Variants in ADAMTS17 observed in about 807,000 individuals in gnomAD.
ADAMTS17 encodes A disintegrin and metalloproteinase with thrombospondin motifs 17.
A neutral mutation model predicts 141.5 loss-of-function variants in ADAMTS17; 113 were observed. The ratio of observed to expected loss-of-function variants is 0.80; its 90% confidence interval spans 0.69 to 0.93. The LOEUF is 0.93. Among genes scored for constraint, ADAMTS17 ranks in the 40% least tolerant of loss-of-function variants. ADAMTS17 has a pLI of 0.00. For synonymous variants in ADAMTS17, 768 were observed against 630.6 expected (o/e 1.22, Z -3.27); for missense variants, 1,659 against 1,517.9 (o/e 1.09, Z -1.54).
chr15:100,114,663 G>A (rs2036999126), intron 13 of ADAMTS17, among the ~76,000 whole-genome samples: 4 of 152,172 alleles, frequency 2.6e-5, no homozygotes, highest in Admixed American at 2.6e-4. Flanking sequence ...CAGATCAAAG[G>A]CGGTGGCACT....
intron 8 of ADAMTS17, among the ~76,000 whole-genome samples, chr15:100,186,253 G>C (rs181433897): frequency 9.2e-5 from 14 of 152,296 alleles, no homozygotes; most frequent in African/African-American, 3.4e-4. Context: ...ATGCCATCTG[G>C]AAAGCTGTAA....
At chr15:100,236,640 C>G (rs1250780734) in intron 7 of ADAMTS17, among the ~76,000 whole-genome samples, 1 of 152,132 alleles carries the variant, frequency 6.6e-6, no homozygotes, top group Non-Finnish European at 1.5e-5. Context: ...GAGGTTGAGA[C>G]CAGCCTGGGA....
intron 15 of ADAMTS17, among the ~76,000 whole-genome samples, chr15:100,095,200 G>A (rs1417156126): frequency 6.6e-6 from 1 of 152,188 alleles, no homozygotes; most frequent in Non-Finnish European, 1.5e-5. Context: ...GGCAGGCACA[G>A]CTTCTCACAC....
At chr15:100,104,076 T>A (rs1366185168) in intron 14 of ADAMTS17, among the ~76,000 whole-genome samples, 1 of 152,200 alleles carries the variant, frequency 6.6e-6, no homozygotes, top group African/African-American at 2.4e-5. Flanking sequence ...GCTACAGGTG[T>A]GCACAAACCA....
At chr15:100,250,080 T>C (rs934358239) in intron 7 of ADAMTS17, among the ~76,000 whole-genome samples, 2 of 152,152 alleles carry the variant, frequency 1.3e-5, no homozygotes. Context: ...TACCACAGTA[T>C]AAAAAAGCAC....
chr15:100,180,607 G>T (rs1296405203), intron 8 of ADAMTS17, among the ~76,000 whole-genome samples: 1 of 152,104 alleles, frequency 6.6e-6, no homozygotes, highest in Non-Finnish European at 1.5e-5. Context: ...ATTGCTTTGG[G>T]TAGTATGGAT....
intron 15 of ADAMTS17, among the ~76,000 whole-genome samples, chr15:100,091,298 G>C (rs1014395717): frequency 3.3e-5 from 5 of 152,100 alleles, no homozygotes; most frequent in African/African-American, 1.2e-4. Context: ...TATGAGGTAG[G>C]ATTTACTCTC....
At chr15:100,059,885 C>A (rs1274640206) in intron 15 of ADAMTS17, among the ~76,000 whole-genome samples, 2 of 152,184 alleles carry the variant, frequency 1.3e-5, no homozygotes, top group Admixed American at 6.5e-5. Flanking sequence ...GAAAGACAAC[C>A]TTCCAAATTA....
intron 2 of ADAMTS17, among the ~76,000 whole-genome samples, chr15:100,340,213 GTAGCCACA>G (rs1362753968): frequency 2.0e-5 from 3 of 152,238 alleles, no homozygotes; most frequent in African/African-American, 7.2e-5. Flanking sequence ...GGGCGCCAGT[GTAGCCACA>G]TGATCAAGTG....
rs373289845 is a variant in ADAMTS17, at chr15:100,159,223, C to T, written c.1182-3903G>A. 3.3e-5 allele frequency among the ~76,000 whole-genome samples: 5 copies of T among 152,326 alleles called. No homozygotes were observed. The East Asian group carries it at 7.7e-4, about 23-fold the overall frequency. ...AGCCAAGATATGAACCCAACCTAAACAGCCACTGATAGATGGATCAATAAA... is the reference window on the plus strand; with the variant it reads ...AGCCAAGATATGAACCCAACCTAAATAGCCACTGATAGATGGATCAATAAA... On this transcript the variant is annotated intron_variant, in intron 8 of 21. Transcript: ENST00000268070.
At chr15:100,116,132 T>TAAAAAAAAAAAAAAAA (rs34003703) in intron 13 of ADAMTS17, among the ~76,000 whole-genome samples, 13 of 84,782 alleles carry the variant, frequency 1.5e-4, no homozygotes, top group African/African-American at 4.2e-4. Context: ...CAGTTTTAGG[T>TAAAAAAAAAAAAAAAA]AAAAAAAAAA....
At chr15:99,979,182 A>G (rs992963093) in intron 20 of ADAMTS17, 7 of 152,096 alleles carry the variant, frequency 4.6e-5, no homozygotes, top group African/African-American at 1.7e-4. Context: ...CGAGGTGAGG[A>G]GTTTGAGACC....
chr15:100,125,423 C>T lies in ADAMTS17; in HGVS notation c.1721+6584G>A, dbSNP rs574607462. Among the ~76,000 whole-genome samples the T allele has an allele frequency of 1.7e-4, 26 of 152,324 alleles. No homozygotes were observed. In the East Asian group the frequency reaches 3.7e-3, roughly 21 times the overall value. On this transcript the variant is annotated intron_variant, in intron 12 of 21. Transcript: ENST00000268070. Reference sequence around the variant, plus strand: ...TACAGGCACATAACCTTACACCAGCCGTCCTCCCGCCGTCTTAGCAGGCTA... The same window carrying T: ...TACAGGCACATAACCTTACACCAGCTGTCCTCCCGCCGTCTTAGCAGGCTA...
chr15:99,985,343 C>T (rs2060564333), intron 20 of ADAMTS17, among the ~76,000 whole-genome samples: 1 of 152,158 alleles, frequency 6.6e-6, no homozygotes, highest in Non-Finnish European at 1.5e-5. Context: ...TTCATGTGTC[C>T]CAGAAAAGGG....
At chr15:100,044,296 C>G (rs1357351769) in intron 18 of ADAMTS17, among the ~76,000 whole-genome samples, 3 of 152,180 alleles carry the variant, frequency 2.0e-5, no homozygotes, top group African/African-American at 4.8e-5. Flanking sequence ...TCCAATTACC[C>G]TTATGCTAGA....
At chr15:100,333,150 G>A (rs559244225) in intron 2 of ADAMTS17, among the ~76,000 whole-genome samples, 9 of 151,700 alleles carry the variant, frequency 5.9e-5, no homozygotes, top group Admixed American at 4.6e-4. Context: ...CCCCTTCCCC[G>A]CAGCCCCCTG....
chr15:100,290,662 A>C (rs2044598324), intron 3 of ADAMTS17, among the ~76,000 whole-genome samples: 3 of 152,232 alleles, frequency 2.0e-5, no homozygotes, highest in Admixed American at 2.0e-4. Context: ...ACAGACACAT[A>C]GACCAATGGA....
chr15:100,198,438 G>A (rs1047819544), intron 8 of ADAMTS17, among the ~76,000 whole-genome samples: 5 of 151,932 alleles, frequency 3.3e-5, no homozygotes, highest in African/African-American at 1.2e-4. Flanking sequence ...TACTGTGTAG[G>A]TCATTAGGAA....
At chr15:99,975,356 C>T (rs2581376) in intron 21 of ADAMTS17, among the ~76,000 whole-genome samples, 91,530 of 151,784 alleles carry the variant, frequency 0.6, 29,073 homozygotes, top group Non-Finnish European at 0.71. Flanking sequence ...ACTACAGGCA[C>T]ACGCCACCAC....
Sources: allele counts gnomAD v4.1 joint callset (sites outside exome capture counted in the v4.1 genomes callset), GRCh38; gene constraint gnomAD v4.1.1; transcripts MANE v1.5; gene names NCBI Gene and HGNC (gene_info 2026-07-23, HGNC 2026-07-21).